The following HIVEP3 variants were observed in gnomAD, a reference collection of about 807,000 sequenced individuals.
The protein encoded by HIVEP3 is transcription factor HIVEP3.
Under a neutral mutation model 152.8 loss-of-function variants are expected in HIVEP3, and 49 were observed. That is an observed-to-expected ratio of 0.32 (90% CI 0.26 to 0.41). The LOEUF is 0.41. Among genes scored for constraint, HIVEP3 ranks in the 10% least tolerant of loss-of-function variants. The pLI, the probability that HIVEP3 is intolerant of heterozygous loss-of-function variation, is 1.00. For missense variants in HIVEP3, 2,790 were observed against 3,103.3 expected, an observed-to-expected ratio of 0.90 and a Z score of 2.40; for synonymous variants, 1,269 against 1,289.0, an observed-to-expected ratio of 0.98 and a Z score of 0.33.
intron 1 of HIVEP3, among the ~76,000 whole-genome samples, chr1:41,915,973 G>A (rs1644864954): frequency 6.6e-6 from 1 of 152,112 alleles, no homozygotes; most frequent in Admixed American, 6.5e-5. Context: ...TGGGCAGGAT[G>A]GAGGGCAAAA....
chr1:41,528,181 A>C (rs1160034242), intron 5 of HIVEP3, among the ~76,000 whole-genome samples: 41 of 49,740 alleles, frequency 8.2e-4, no homozygotes, highest in African/African-American at 1.3e-3. Flanking sequence ...CCACATCCCC[A>C]CCCTCACCTT....
intron 1 of HIVEP3, among the ~76,000 whole-genome samples, chr1:41,807,088 G>A (rs1650673685): frequency 6.6e-6 from 1 of 152,154 alleles, no homozygotes; most frequent in African/African-American, 2.4e-5. Flanking sequence ...CTCTGATGTG[G>A]GAGGGATATC....
intron 1 of HIVEP3, among the ~76,000 whole-genome samples, chr1:41,819,827 T>C (rs1485700109): frequency 6.6e-6 from 1 of 152,160 alleles, no homozygotes; most frequent in Non-Finnish European, 1.5e-5. Flanking sequence ...CTGAAAAGTA[T>C]ATGTACTCTT....
At chr1:41,926,848 T>G (rs1381056594) in intron 1 of HIVEP3, among the ~76,000 whole-genome samples, 2 of 152,206 alleles carry the variant, frequency 1.3e-5, no homozygotes, top group African/African-American at 2.4e-5. Context: ...AGGGAAAATA[T>G]GGATGCTTCC....
intron 1 of HIVEP3, among the ~76,000 whole-genome samples, chr1:41,981,898 G>A (rs1645296041): frequency 6.6e-6 from 1 of 152,170 alleles, no homozygotes; most frequent in Non-Finnish European, 1.5e-5. Context: ...CTGAAATGTG[G>A]GGGTCCAGGG....
At chr1:41,966,060 T>C (rs908797666) in intron 1 of HIVEP3, among the ~76,000 whole-genome samples, 2 of 152,092 alleles carry the variant, frequency 1.3e-5, no homozygotes, top group African/African-American at 4.8e-5. Context: ...CCAGAAGAGA[T>C]TGGGGGCCAA....
At chr1:41,901,845 T>C (rs1443105981) in intron 1 of HIVEP3, among the ~76,000 whole-genome samples, 1 of 152,194 alleles carries the variant, frequency 6.6e-6, no homozygotes, top group African/African-American at 2.4e-5. Flanking sequence ...ATTATCTTAA[T>C]GTGTGCTGTC....
chr1:41,949,956 C>T (rs1645096811), intron 1 of HIVEP3, among the ~76,000 whole-genome samples: 1 of 152,144 alleles, frequency 6.6e-6, no homozygotes, highest in African/African-American at 2.4e-5. Flanking sequence ...CGGCCAACCT[C>T]TCAACAGGGT....
chr1:41,854,105 CTT>C (rs774798933), intron 1 of HIVEP3, among the ~76,000 whole-genome samples: 31 of 152,094 alleles, frequency 2.0e-4, no homozygotes, highest in Non-Finnish European at 2.9e-5. Flanking sequence ...GGCAGATCGG[CTT>C]TCTCTCTCCC....
intron 2 of HIVEP3, among the ~76,000 whole-genome samples, chr1:41,658,853 T>A (rs1246667445): frequency 1.3e-5 from 2 of 152,232 alleles, no homozygotes; most frequent in Non-Finnish European, 2.9e-5. Context: ...TCCTTCCAGA[T>A]GGACCACCTG....
chr1:41,628,275 C>T (rs563730153), intron 3 of HIVEP3, among the ~76,000 whole-genome samples: 12 of 152,294 alleles, frequency 7.9e-5, no homozygotes, highest in African/African-American at 2.6e-4. Flanking sequence ...AGACCTGCTG[C>T]TATGTCTCTA....
At chr1:41,830,938 A>C (rs1465957571) in intron 1 of HIVEP3, among the ~76,000 whole-genome samples, 1 of 152,208 alleles carries the variant, frequency 6.6e-6, no homozygotes, top group Non-Finnish European at 1.5e-5. Flanking sequence ...TCTCAAATGT[A>C]CTATCTCAGA....
At chr1:41,558,818 C>G (rs1323160763) in intron 5 of HIVEP3, among the ~76,000 whole-genome samples, 1 of 152,230 alleles carries the variant, frequency 6.6e-6, no homozygotes, top group Admixed American at 6.5e-5. Context: ...CTGCACCTGC[C>G]AGCTGGTCAC....
intron 2 of HIVEP3, among the ~76,000 whole-genome samples, chr1:41,683,465 A>G (rs936175903): frequency 2.5e-4 from 38 of 152,354 alleles, no homozygotes; most frequent in African/African-American, 8.9e-4. Flanking sequence ...AAGTGCTAAC[A>G]ATTAATCATT....
chr1:41,715,231 C>T (rs1314289363), intron 1 of HIVEP3, among the ~76,000 whole-genome samples: 1 of 152,170 alleles, frequency 6.6e-6, no homozygotes. Context: ...CTGGGGACCA[C>T]CAGGGAAAAC....
intron 2 of HIVEP3, among the ~76,000 whole-genome samples, chr1:41,669,761 T>C (rs1251714321): frequency 6.6e-6 from 1 of 152,220 alleles, no homozygotes; most frequent in African/African-American, 2.4e-5. Context: ...TGGGCTCTCC[T>C]GGATCTCCAG....
chr1:41,537,337 C>T (rs1247035204), intron 5 of HIVEP3, among the ~76,000 whole-genome samples: 1 of 152,200 alleles, frequency 6.6e-6, no homozygotes, highest in Non-Finnish European at 1.5e-5. Context: ...ATATGCTTTC[C>T]TCCCAGGGGG....
chr1:41,787,940 G>A (rs1349733779), intron 1 of HIVEP3, among the ~76,000 whole-genome samples: 2 of 152,134 alleles, frequency 1.3e-5, no homozygotes, highest in African/African-American at 4.8e-5. Flanking sequence ...AGGTTCCCCT[G>A]GTGGGTTCTG....
At chr1:41,618,716 G>C (rs943418493) in intron 3 of HIVEP3, among the ~76,000 whole-genome samples, 5 of 152,154 alleles carry the variant, frequency 3.3e-5, no homozygotes, top group Admixed American at 2.6e-4. Context: ...AAGACAAAAG[G>C]GACCTTGGAA....
Sources: allele counts gnomAD v4.1 joint callset (sites outside exome capture counted in the v4.1 genomes callset), GRCh38; gene constraint gnomAD v4.1.1; transcripts MANE v1.5; gene names NCBI Gene and HGNC (gene_info 2026-07-23, HGNC 2026-07-21).